Variants in VPS8 observed in about 807,000 individuals in gnomAD.
VPS8 encodes VPS8 subunit of CORVET complex.
Under a neutral mutation model 216.4 loss-of-function variants are expected in VPS8, and 129 were observed. That is an observed-to-expected ratio of 0.60 (90% CI 0.52 to 0.69). The LOEUF is 0.69. VPS8 is among the 30% of genes least tolerant of loss of function. VPS8 has a pLI of 0.00. For missense variants in VPS8, 1,531 were observed against 1,683.5 expected (o/e 0.91, Z 1.59); for synonymous variants, 571 against 565.4 (o/e 1.01, Z -0.14).
At position 184,929,675 on chromosome 3, in the gene VPS8, A is replaced by T; in HGVS notation, c.2799+11A>T. 1 of 1,438,410 alleles carries T rather than the reference A, an allele frequency of 7.0e-7. No individual in the cohort carries two copies. Among genetic ancestry groups the T allele is most frequent in the Non-Finnish European group, 9.3e-7 (1 of 1,069,842 alleles). The allele number at this position is 1,438,410 out of a possible 1,614,324, so 89.1% of individuals were successfully genotyped here. A position where few individuals can be genotyped will look rare whatever the true frequency, so the allele number is the denominator to read the frequency against. ...GACCCTCTGCGAGAGGTGAGTCAAGATACTGCTTTACTCTTTTTTCTTACT... is the reference window on the plus strand; with the variant it reads ...GACCCTCTGCGAGAGGTGAGTCAAGTTACTGCTTTACTCTTTTTTCTTACT... On this transcript the variant is annotated intron_variant, in intron 33 of 47. Coordinates refer to ENST00000625842, the MANE Select transcript of VPS8 (RefSeq NM_001009921.3).
At chr3:185,027,306 G>A (rs746370865) in intron 46 of VPS8, among the ~76,000 whole-genome samples, 31 of 137,658 alleles carry the variant, frequency 2.3e-4, no homozygotes, top group African/African-American at 4.4e-4. Flanking sequence ...GCAGCGGCAC[G>A]ATCTCGGCTC....
chr3:184,826,928 A>C (rs1410490237), intron 3 of VPS8, among the ~76,000 whole-genome samples: 24 of 152,332 alleles, frequency 1.6e-4, no homozygotes, highest in African/African-American at 5.3e-4. Flanking sequence ...GTGAGAGGAC[A>C]TGGTTGGTGA....
chr3:184,867,090 GC>G, intron 17 of VPS8, 140 bp downstream of exon 17: 1 of 667,352 alleles, frequency 1.5e-6, no homozygotes. Context: ...GGTTAGGTAG[GC>G]ATGATTTTTA....
chr3:184,849,313 C>G (rs1263070695), intron 9 of VPS8, 118 bp downstream of exon 9: 5 of 1,204,570 alleles, frequency 4.2e-6, no homozygotes, highest in Non-Finnish European at 5.6e-6. Flanking sequence ...GTTTGTAGAG[C>G]TAACCAGAGA....
At position 184,929,583 on chromosome 3, in the gene VPS8, T is replaced by A; in HGVS notation, c.2718T>A (p.Tyr906Ter). 6.6e-7 allele frequency: 1 copy of A among 1,505,444 alleles called. No individual in the cohort carries two copies. Among genetic ancestry groups the A allele is most frequent in the Non-Finnish European group, 9.0e-7 (1 of 1,111,466 alleles). The allele number at this position is 1,505,444 out of a possible 1,614,324, so 93.3% of individuals were successfully genotyped here. ...LIRMAEKAEF[Y>*]QICEFMYERE... ...AGTTTTTCCCTTTACATTCTAGCTA[T>A]CAAATTTGTGAATTTATGTATGAAA... The change falls in exon 33 of 48, where the codon TAT becomes TAA. Residue 906 changes from tyrosine (Y) to a stop codon, truncating the protein, a stop_gained. Coordinates refer to ENST00000625842, the MANE Select transcript of VPS8 (RefSeq NM_001009921.3). LOFTEE classifies it high-confidence loss of function.
intron 22 of VPS8, among the ~76,000 whole-genome samples, chr3:184,888,784 C>T (rs932358328): frequency 6.6e-5 from 10 of 152,020 alleles, no homozygotes; most frequent in Admixed American, 2.6e-4. Context: ...TAGAGTAAAA[C>T]GGCTTATTTT....
chr3:184,940,213 T>A lies in VPS8; in HGVS notation c.3005T>A (p.Phe1002Tyr), dbSNP rs1281988665. 18 of 1,494,992 alleles carry A rather than the reference T, an allele frequency of 1.2e-5. No homozygotes were observed. Among genetic ancestry groups the A allele is most frequent in the Non-Finnish European group, 9.0e-7 (1 of 1,114,862 alleles). 92.6% of individuals were successfully genotyped at this position (1,494,992 alleles called of 1,614,324 possible). Residue 1002 changes from phenylalanine to tyrosine, a missense_variant, in exon 36 of 48, where the codon TTC becomes TAC. Phe to Tyr is a conservative substitution (Grantham distance 22). Coordinates refer to ENST00000625842, the MANE Select transcript of VPS8 (RefSeq NM_001009921.3). ...TCTGTTCAGAACCAGGTTTTGCTTT[T>A]CAAATTTTTGAGGAGTCTTCTTGAC... ...IKKLQNQVLLFKFLRSLLDPR... is the reference protein window; with the variant it reads ...IKKLQNQVLLYKFLRSLLDPR...
At chr3:184,950,713 C>G (rs1744548398) in intron 36 of VPS8, among the ~76,000 whole-genome samples, 1 of 152,012 alleles carries the variant, frequency 6.6e-6, no homozygotes, top group Admixed American at 6.6e-5. Flanking sequence ...AAGTTCCCTC[C>G]CCTCGCCTCC....
intron 22 of VPS8, among the ~76,000 whole-genome samples, chr3:184,891,493 A>G (rs1013709061): frequency 1.3e-5 from 2 of 152,144 alleles, no homozygotes; most frequent in African/African-American, 2.4e-5. Context: ...AAGCTGGGGG[A>G]AAAAAGGCGT....
At chr3:184,899,867 T>C (rs1217734240) in intron 24 of VPS8, among the ~76,000 whole-genome samples, 3 of 152,244 alleles carry the variant, frequency 2.0e-5, no homozygotes, top group Non-Finnish European at 4.4e-5. Context: ...GGTTTTGTAT[T>C]CCTCATATTA....
Position 184,984,194 on chromosome 3 carries a change from A to AAAAAAAAAACTCACCAAG in VPS8, c.3585+1100_3585+1101insAAAAAAAAACTCACCAAG. Among the ~76,000 whole-genome samples, 340 of 46,532 alleles carry AAAAAAAAAACTCACCAAG rather than the reference A, an allele frequency of 7.3e-3. 133 individuals are homozygous for AAAAAAAAAACTCACCAAG. The highest frequency in any genetic ancestry group is 0.012 in the Non-Finnish European group (309 of 24,752). The allele number at this position is 46,532 out of a possible 152,430, so 30.5% of individuals were successfully genotyped here. A position where few individuals can be genotyped will look rare whatever the true frequency, so the allele number is the denominator to read the frequency against. On this transcript the variant is annotated intron_variant, in intron 42 of 47. Coordinates refer to ENST00000625842, the MANE Select transcript of VPS8 (RefSeq NM_001009921.3). ...GCGAGACTCCGTCTCAAAAAAAAAA[A>AAAAAAAAAACTCACCAAG]CTCTACTTCCCATCTGATATTAAGC... is the stretch of plus-strand genomic sequence containing the variant.
intron 3 of VPS8, among the ~76,000 whole-genome samples, chr3:184,828,890 C>T (rs1719386367): frequency 6.6e-6 from 1 of 152,184 alleles, no homozygotes; most frequent in African/African-American, 2.4e-5. Context: ...TCTTGTGTCC[C>T]TTTAGTACCC....
At position 184,896,443 on chromosome 3, in the gene VPS8, T is replaced by C. The variant is rs1031816004; in HGVS notation, c.2004+1518T>C. ...ATATCAAGACTTCTCCCCTTTTTCC[T>C]CCTAGGTTACTGCCCTATCTCACTC... On this transcript the variant is annotated intron_variant, in intron 23 of 47. Coordinates refer to ENST00000625842, the MANE Select transcript of VPS8 (RefSeq NM_001009921.3). Among the ~76,000 whole-genome samples the C allele has an allele frequency of 2.6e-4, 39 of 152,154 alleles. 2 individuals are homozygous for C. The highest frequency in any genetic ancestry group is 1.7e-3 in the East Asian group (9 of 5,198).
At chr3:184,832,557 A>G in intron 3 of VPS8, 132 bp from the exon 4 acceptor site, 1 of 725,240 alleles carries the variant, frequency 1.4e-6, no homozygotes, top group East Asian at 2.8e-5. Flanking sequence ...TTTCTGGTCA[A>G]TAAGAATGCA....
chr3:184,839,070 G>A (rs769379580), intron 6 of VPS8: 3 of 265,702 alleles, frequency 1.1e-5, no homozygotes, highest in Admixed American at 5.4e-5. Context: ...GGAATGGAAA[G>A]CATCATTTGA....
intron 46 of VPS8, among the ~76,000 whole-genome samples, chr3:185,028,834 T>C (rs1757733036): frequency 6.6e-6 from 1 of 152,186 alleles, no homozygotes; most frequent in African/African-American, 2.4e-5. Context: ...AGTAACCTCA[T>C]CAGTCTTGTT....
intron 4 of VPS8, among the ~76,000 whole-genome samples, chr3:184,833,618 A>T (rs1216640382): frequency 6.6e-6 from 1 of 152,214 alleles, no homozygotes; most frequent in Non-Finnish European, 1.5e-5. Flanking sequence ...TCTGCATGGC[A>T]TCAGTCTGGG....
intron 36 of VPS8, among the ~76,000 whole-genome samples, chr3:184,952,966 A>G (rs1195535187): frequency 6.6e-6 from 1 of 152,162 alleles, no homozygotes; most frequent in Non-Finnish European, 1.5e-5. Context: ...TGTTTTCCAG[A>G]GCTGTTTTCT....
chr3:185,025,109 C>A (rs1757170116), intron 46 of VPS8, among the ~76,000 whole-genome samples: 1 of 152,286 alleles, frequency 6.6e-6, no homozygotes, highest in East Asian at 1.9e-4. Context: ...TCAATAAATG[C>A]TGGCAGAAGA....
Sources: allele counts gnomAD v4.1 joint callset (sites outside exome capture counted in the v4.1 genomes callset), GRCh38; gene constraint gnomAD v4.1.1; transcripts MANE v1.5; gene names NCBI Gene and HGNC (gene_info 2026-07-23, HGNC 2026-07-21).